The following WWTR1 variants were observed in gnomAD, a reference collection of about 807,000 sequenced individuals.
The protein encoded by WWTR1 is WW domain containing transcription regulator 1, also known as WW domain-containing transcription regulator protein 1.
In WWTR1, 13 loss-of-function variants were observed where a neutral mutation model predicts 40.1. That is an observed-to-expected ratio of 0.32 (90% confidence interval 0.21 to 0.52). The LOEUF is 0.52. Among genes scored for constraint, WWTR1 ranks in the 20% least tolerant of loss-of-function variants. The pLI is 0.97. For missense variants in WWTR1, 436 were observed against 523.1 expected, an observed-to-expected ratio of 0.83 and a Z score of 1.63; for synonymous variants, 230 against 210.1, an observed-to-expected ratio of 1.09 and a Z score of -0.82.
chr3:149,643,171 G>T lies in WWTR1; in HGVS notation c.431+13705C>A, dbSNP rs536106576. ...GCAAACTGGCCTGGCGAACTTACTTGCATTAATCTGAGTCCCCTTTGCCAG... is the reference window on the plus strand; with the variant it reads ...GCAAACTGGCCTGGCGAACTTACTTTCATTAATCTGAGTCCCCTTTGCCAG... On this transcript the variant is annotated intron_variant, in intron 2 of 6. Transcript: ENST00000360632. 6.6e-5 allele frequency among the ~76,000 whole-genome samples: 10 copies of T among 152,264 alleles called. No individual in the cohort carries two copies. In the South Asian group the frequency reaches 2.1e-3, roughly 32 times the overall value.
chr3:149,722,732 T>A (rs906876184), intron 4 of WWTR1, among the ~76,000 whole-genome samples: 2 of 151,964 alleles, frequency 1.3e-5, no homozygotes, highest in Non-Finnish European at 2.9e-5. Context: ...TTTTTTCTGT[T>A]CCTCAGACTT....
chr3:149,717,494 A>T (rs1715642008), exon 5 of WWTR1: 1 of 152,200 alleles, frequency 6.6e-6, no homozygotes, highest in Non-Finnish European at 1.5e-5. Flanking sequence ...GCCACTAATT[A>T]TCAGGAAGAG....
chr3:149,616,903 T>C (rs975748916), intron 2 of WWTR1, among the ~76,000 whole-genome samples: 2 of 151,916 alleles, frequency 1.3e-5, no homozygotes, highest in African/African-American at 4.8e-5. Flanking sequence ...AAGCTTAAAG[T>C]GGAAGAAAAA....
At chr3:149,575,215 T>C (rs775586155) in intron 2 of WWTR1, among the ~76,000 whole-genome samples, 15 of 152,188 alleles carry the variant, frequency 9.9e-5, no homozygotes, top group Non-Finnish European at 2.2e-4. Context: ...ACAATTGTAG[T>C]TCTGTTTAAA....
intron 1 of WWTR1, among the ~76,000 whole-genome samples, chr3:149,683,983 T>C (rs1176743906): frequency 6.6e-6 from 1 of 152,188 alleles, no homozygotes; most frequent in Non-Finnish European, 1.5e-5. Flanking sequence ...TGCACTCCAG[T>C]TATTCATTGT....
chr3:149,561,411 G>C (rs1737072510), intron 3 of WWTR1, among the ~76,000 whole-genome samples: 1 of 152,156 alleles, frequency 6.6e-6, no homozygotes, highest in Admixed American at 6.6e-5. Flanking sequence ...TTATTGGCCA[G>C]GGTACGGGGA....
chr3:149,649,652 C>T (rs1343393421), intron 2 of WWTR1, among the ~76,000 whole-genome samples: 1 of 152,178 alleles, frequency 6.6e-6, no homozygotes, highest in Non-Finnish European at 1.5e-5. Flanking sequence ...TGCAGTGGCT[C>T]ACGCCTGTAA....
chr3:149,674,585 T>TAA (rs892481786), intron 1 of WWTR1, among the ~76,000 whole-genome samples: 12 of 142,022 alleles, frequency 8.4e-5, no homozygotes, highest in Non-Finnish European at 1.7e-4. Flanking sequence ...AGATTCCATC[T>TAA]AAAAAAAAAA....
chr3:149,567,846 T>C (rs1737405137), intron 3 of WWTR1, among the ~76,000 whole-genome samples: 1 of 152,174 alleles, frequency 6.6e-6, no homozygotes, highest in Non-Finnish European at 1.5e-5. Context: ...GAAACTCAGT[T>C]CTGACTTCAA....
intron 2 of WWTR1, among the ~76,000 whole-genome samples, chr3:149,601,164 G>A (rs1739225489): frequency 6.6e-6 from 1 of 152,064 alleles, no homozygotes; most frequent in Non-Finnish European, 1.5e-5. Context: ...AATTTCAAGA[G>A]GTAGATGCAT....
intron 6 of WWTR1, among the ~76,000 whole-genome samples, 154 bp from the exon 7 acceptor site, chr3:149,521,143 G>A (rs868630755): frequency 1.4e-4 from 22 of 152,100 alleles, no homozygotes; most frequent in South Asian, 4.1e-4. Context: ...GGAAGAAATC[G>A]AAAATTATTT....
chr3:149,532,820 C>T (rs1223644930), intron 4 of WWTR1, among the ~76,000 whole-genome samples: 1 of 152,222 alleles, frequency 6.6e-6, no homozygotes, highest in Non-Finnish European at 1.5e-5. Flanking sequence ...AAACGTCTGA[C>T]TTAGACCAAA....
intron 3 of WWTR1, among the ~76,000 whole-genome samples, chr3:149,548,288 A>T (rs1736461062): frequency 6.6e-6 from 1 of 152,224 alleles, no homozygotes; most frequent in Admixed American, 6.5e-5. Context: ...ACAGAGAGCC[A>T]CAGCTCGTAG....
At position 149,517,809 on chromosome 3, in the gene WWTR1, A is replaced by C. The variant is rs1734854699; in HGVS notation, c.*2996T>G. On this transcript the variant is annotated 3_prime_UTR_variant, in exon 7 of 7. Transcript: ENST00000360632. ...AGGTTTTGACAATGTATTTACTTCA[A>C]GACAATGTATTTTATCAGGAAAAAA... The C allele has an allele frequency of 6.6e-6, 1 of 152,236 alleles. No homozygotes were observed. The highest frequency in any genetic ancestry group is 2.4e-5 in the African/African-American group (1 of 41,470). The allele number at this position is 152,236 out of a possible 1,614,324, so 9.4% of individuals were successfully genotyped here.
intron 1 of WWTR1, among the ~76,000 whole-genome samples, chr3:149,700,278 G>A (rs1221481366): frequency 6.6e-6 from 1 of 151,802 alleles, no homozygotes; most frequent in African/African-American, 2.4e-5. Context: ...ACCAGCCTTG[G>A]GCAACACAGT....
At chr3:149,652,620 C>CAAAAA (rs758013561) in intron 2 of WWTR1, among the ~76,000 whole-genome samples, 3 of 20,202 alleles carry the variant, frequency 1.5e-4, no homozygotes, top group Non-Finnish European at 2.0e-4. Context: ...GACCCCATCT[C>CAAAAA]AAAAAAAAAA....
At chr3:149,724,418 T>C (rs574349757) in intron 3 of WWTR1, among the ~76,000 whole-genome samples, 2 of 152,176 alleles carry the variant, frequency 1.3e-5, no homozygotes, top group African/African-American at 4.8e-5. Context: ...CCCCTAATAT[T>C]TGACTAAATT....
intron 2 of WWTR1, among the ~76,000 whole-genome samples, chr3:149,607,536 G>A (rs563248006): frequency 1.3e-5 from 2 of 152,192 alleles, no homozygotes; most frequent in African/African-American, 4.8e-5. Context: ...GGATGGTCTC[G>A]ATCTCCTCAC....
At chr3:149,662,978 G>C (rs1374512490), upstream of WWTR1, among the ~76,000 whole-genome samples, 3 of 152,078 alleles carry the variant, frequency 2.0e-5, no homozygotes, top group Admixed American at 6.6e-5. Flanking sequence ...AATTCTCCTT[G>C]TTCTTGTCTT....
Sources: allele counts gnomAD v4.1 joint callset (sites outside exome capture counted in the v4.1 genomes callset), GRCh38; gene constraint gnomAD v4.1.1; transcripts MANE v1.5; gene names NCBI Gene and HGNC (gene_info 2026-07-23, HGNC 2026-07-21).